The following GALNTL6 variants were observed in gnomAD, a reference collection of about 807,000 sequenced individuals.
The protein encoded by GALNTL6 is polypeptide N-acetylgalactosaminyltransferase like 6, also known as polypeptide N-acetylgalactosaminyltransferase-like 6.
GALNTL6 carries 46 observed loss-of-function variants against 73.7 expected under a neutral mutation model. The ratio of observed to expected loss-of-function variants is 0.62; its 90% CI spans 0.49 to 0.80. The LOEUF is 0.80. GALNTL6 is among the 30% of genes least tolerant of loss of function. GALNTL6 has a pLI of 0.00. For missense variants in GALNTL6, 604 were observed against 755.0 expected, an observed-to-expected ratio of 0.80 and a Z score of 2.34; for synonymous variants, 259 against 263.7, an observed-to-expected ratio of 0.98 and a Z score of 0.17.
chr4:172,773,768 A>T (rs907307989), intron 5 of GALNTL6, among the ~76,000 whole-genome samples: 1 of 152,214 alleles, frequency 6.6e-6, no homozygotes, highest in Non-Finnish European at 1.5e-5. Flanking sequence ...AGAGCTGGGA[A>T]TTCAATTCAA....
intron 2 of GALNTL6, among the ~76,000 whole-genome samples, chr4:171,975,069 CA>C (rs1191876871): frequency 6.6e-6 from 1 of 152,174 alleles, no homozygotes; most frequent in Admixed American, 6.5e-5. Flanking sequence ...ATGCCAGCAT[CA>C]ATCACCGTTT....
chr4:172,766,731 A>T (rs950290206), intron 5 of GALNTL6, among the ~76,000 whole-genome samples: 3 of 152,124 alleles, frequency 2.0e-5, no homozygotes, highest in Non-Finnish European at 4.4e-5. Context: ...TAGAGTAACA[A>T]TTTTTCTGTC....
intron 5 of GALNTL6, among the ~76,000 whole-genome samples, chr4:172,689,634 T>G (rs1733143523): frequency 6.6e-6 from 1 of 152,196 alleles, no homozygotes; most frequent in East Asian, 1.9e-4. Flanking sequence ...TCTAAGTTCT[T>G]AATGCTTTTT....
intron 2 of GALNTL6, among the ~76,000 whole-genome samples, chr4:171,858,290 G>A (rs768959022): frequency 9.9e-5 from 15 of 151,958 alleles, no homozygotes; most frequent in Non-Finnish European, 1.8e-4. Flanking sequence ...GTTATTAATC[G>A]TGTGTTTTGT....
chr4:172,002,024 C>T (rs1208327329), intron 2 of GALNTL6, among the ~76,000 whole-genome samples: 1 of 152,072 alleles, frequency 6.6e-6, no homozygotes, highest in Non-Finnish European at 1.5e-5. Context: ...CTATATAAGG[C>T]TTATGGTGGG....
chr4:171,913,549 A>T (rs543848372), intron 2 of GALNTL6, among the ~76,000 whole-genome samples: 50 of 152,364 alleles, frequency 3.3e-4, no homozygotes, highest in South Asian at 4.1e-4. Flanking sequence ...ATTTCTTCAG[A>T]AATATTCAAA....
intron 5 of GALNTL6, among the ~76,000 whole-genome samples, chr4:172,781,459 C>A (rs1019182840): frequency 1.3e-5 from 2 of 151,944 alleles, no homozygotes; most frequent in African/African-American, 4.8e-5. Flanking sequence ...GTATGATATC[C>A]AGATCGGTGC....
rs1338410845 is a variant in GALNTL6, at chr4:172,251,792, T to C, written c.247+22028T>C. Among the ~76,000 whole-genome samples the C allele has an allele frequency of 2.0e-5, 3 of 152,196 alleles. No homozygotes were observed. The East Asian group carries it at 5.8e-4, about 29-fold the overall frequency. On this transcript the variant is annotated intron_variant, in intron 3 of 12. Transcript: ENST00000506823. Reference sequence around the variant, plus strand: ...AGAGAGAGGAATACTAGACGGGCACTCAGAAGAGTTTAAACCTGGTGAAAC... The same window carrying C: ...AGAGAGAGGAATACTAGACGGGCACCCAGAAGAGTTTAAACCTGGTGAAAC...
intron 2 of GALNTL6, among the ~76,000 whole-genome samples, chr4:172,049,794 G>A (rs536658164): frequency 1.6e-4 from 24 of 152,208 alleles, no homozygotes; most frequent in Non-Finnish European, 2.9e-4. Flanking sequence ...GACCAACTTG[G>A]CCAACATGGT....
intron 5 of GALNTL6, among the ~76,000 whole-genome samples, chr4:172,711,790 A>G (rs985674450): frequency 6.6e-6 from 1 of 152,166 alleles, no homozygotes; most frequent in African/African-American, 2.4e-5. Flanking sequence ...AAGTCAACAT[A>G]CATATGGTCT....
At chr4:172,042,194 A>T (rs1742104639) in intron 2 of GALNTL6, among the ~76,000 whole-genome samples, 1 of 151,990 alleles carries the variant, frequency 6.6e-6, no homozygotes, top group Non-Finnish European at 1.5e-5. Context: ...ATAATAACAA[A>T]TTTTGCTTTA....
chr4:172,571,988 T>C (rs1057510693), intron 5 of GALNTL6, among the ~76,000 whole-genome samples: 3 of 152,172 alleles, frequency 2.0e-5, no homozygotes, highest in African/African-American at 7.2e-5. Flanking sequence ...TGTCAAATTT[T>C]CTATGTACAG....
At chr4:172,698,301 A>T (rs537078127) in intron 5 of GALNTL6, among the ~76,000 whole-genome samples, 1 of 151,046 alleles carries the variant, frequency 6.6e-6, no homozygotes, top group African/African-American at 2.4e-5. Context: ...TTATTTGAAG[A>T]CCTCCCACAG....
intron 2 of GALNTL6, among the ~76,000 whole-genome samples, chr4:171,880,067 C>G (rs563206972): frequency 1.3e-5 from 2 of 152,064 alleles, no homozygotes; most frequent in South Asian, 4.1e-4. Context: ...CCAAAACCAC[C>G]CTCAAATTGT....
chr4:172,585,109 G>GA lies in GALNTL6; in HGVS notation c.554-224242dup, dbSNP rs56223227. On this transcript the variant is annotated intron_variant, in intron 5 of 12. Coordinates refer to ENST00000506823, the MANE Select transcript of GALNTL6 (RefSeq NM_001034845.3). ...CAATACGGAAATATTTCATGAACTA[G>GA]AAAAAAAAAACAGTCTAATGAAGTC... is the stretch of plus-strand genomic sequence containing the variant. Among the ~76,000 whole-genome samples the GA allele has an allele frequency of 2.7e-3, 403 of 150,432 alleles. 3 individuals carry two copies. Among genetic ancestry groups the GA allele is most frequent in the African/African-American group, 8.8e-3 (361 of 40,810 alleles).
intron 3 of GALNTL6, among the ~76,000 whole-genome samples, chr4:172,250,601 G>C (rs550594297): frequency 7.9e-5 from 12 of 152,196 alleles, no homozygotes; most frequent in South Asian, 6.2e-4. Flanking sequence ...CCTTCACTCA[G>C]TTGTCATTCT....
chr4:172,121,761 G>T (rs1290364548), intron 2 of GALNTL6, among the ~76,000 whole-genome samples: 1 of 151,994 alleles, frequency 6.6e-6, no homozygotes, highest in African/African-American at 2.4e-5. Context: ...CAAAGTGCTA[G>T]GCCAACATTA....
intron 5 of GALNTL6, among the ~76,000 whole-genome samples, chr4:172,520,688 C>T (rs1294778838): frequency 6.6e-6 from 1 of 151,796 alleles, no homozygotes; most frequent in Non-Finnish European, 1.5e-5. Context: ...CAAAATTAAA[C>T]TGTTTTCTTA....
chr4:172,777,354 T>C (rs4434224), intron 5 of GALNTL6, among the ~76,000 whole-genome samples: 139,517 of 152,144 alleles, frequency 0.92, 64,182 homozygotes, highest in East Asian at 1. Flanking sequence ...GCAGCTAAAA[T>C]CAAATTATTT....
Sources: allele counts gnomAD v4.1 joint callset (sites outside exome capture counted in the v4.1 genomes callset), GRCh38; gene constraint gnomAD v4.1.1; transcripts MANE v1.5; gene names NCBI Gene and HGNC (gene_info 2026-07-23, HGNC 2026-07-21).